Variants in SAMD3 observed in about 807,000 individuals in gnomAD.
SAMD3 encodes the protein sterile alpha motif domain-containing protein 3.
A neutral mutation model predicts 58.5 loss-of-function variants in SAMD3; 63 were observed. The ratio of observed to expected loss-of-function variants is 1.08; its 90% CI spans 0.88 to 1.33. The LOEUF is 1.33. Ranked by LOEUF, SAMD3 falls within the 40% of genes most tolerant of loss-of-function variation. SAMD3 has a pLI of 0.00. For missense variants in SAMD3, 604 were observed against 608.4 expected (o/e 0.99, Z 0.08); for synonymous variants, 220 against 210.3 (o/e 1.05, Z -0.40).
chr6:130,322,099 C>A (rs546766727), intron 1 of SAMD3, among the ~76,000 whole-genome samples: 23 of 152,260 alleles, frequency 1.5e-4, no homozygotes, highest in African/African-American at 5.5e-4. Flanking sequence ...TATGGGAACT[C>A]ATTAGTGAGG....
chr6:130,267,913 C>A (rs1774420105), intron 2 of SAMD3, among the ~76,000 whole-genome samples: 1 of 152,146 alleles, frequency 6.6e-6, no homozygotes, highest in African/African-American at 2.4e-5. Flanking sequence ...GCCAAATAAA[C>A]CCCTTCCTTC....
At chr6:130,246,182 A>G (rs1317849516) in intron 2 of SAMD3, among the ~76,000 whole-genome samples, 1 of 152,260 alleles carries the variant, frequency 6.6e-6, no homozygotes, top group Non-Finnish European at 1.5e-5. Flanking sequence ...TCCAGAAAAT[A>G]TACTAAAAAT....
At chr6:130,270,148 G>A (rs1774508331) in intron 2 of SAMD3, among the ~76,000 whole-genome samples, 1 of 152,156 alleles carries the variant, frequency 6.6e-6, no homozygotes, top group Admixed American at 6.5e-5. Context: ...CTGGAGTGCA[G>A]TGACATGATC....
At chr6:130,321,888 A>G (rs1422965696) in intron 1 of SAMD3, among the ~76,000 whole-genome samples, 3 of 152,226 alleles carry the variant, frequency 2.0e-5, no homozygotes, top group Non-Finnish European at 4.4e-5. Context: ...CAACTCAAGG[A>G]CAGAGGCCAT....
intron 1 of SAMD3, among the ~76,000 whole-genome samples, chr6:130,364,292 G>T (rs892416608): frequency 3.3e-5 from 5 of 151,966 alleles, no homozygotes; most frequent in Non-Finnish European, 5.9e-5. Flanking sequence ...TCTTTTTGAG[G>T]ACGGCTCAGT....
At chr6:130,334,254 A>C (rs957928724) in intron 1 of SAMD3, among the ~76,000 whole-genome samples, 2 of 152,204 alleles carry the variant, frequency 1.3e-5, no homozygotes, top group Non-Finnish European at 2.9e-5. Context: ...GGAGGGAAAC[A>C]CATTTAAACA....
intron 1 of SAMD3, among the ~76,000 whole-genome samples, chr6:130,338,474 C>T (rs1442166578): frequency 6.6e-6 from 1 of 152,188 alleles, no homozygotes; most frequent in Non-Finnish European, 1.5e-5. Flanking sequence ...CCACCATCCT[C>T]CAGACCCCAG....
chr6:130,224,875 C>CCA (rs1038631805), upstream of SAMD3, among the ~76,000 whole-genome samples: 30 of 152,106 alleles, frequency 2.0e-4, no homozygotes, highest in Non-Finnish European at 2.4e-4. Context: ...GCCTCGGCCT[C>CCA]CTAAAGTGCT....
intron 2 of SAMD3, among the ~76,000 whole-genome samples, chr6:130,244,489 A>G (rs747326689): frequency 6.6e-6 from 1 of 152,194 alleles, no homozygotes; most frequent in Non-Finnish European, 1.5e-5. Context: ...TTGTAATCCC[A>G]GCACTTTGGG....
At position 130,192,721 on chromosome 6, in the gene SAMD3, C is replaced by T. The variant is rs181487753; in HGVS notation, c.384-8098G>A. Among the ~76,000 whole-genome samples the T allele has an allele frequency of 5.9e-5, 9 of 152,272 alleles. No homozygotes were observed. The East Asian group carries it at 1.2e-3, about 20-fold the overall frequency. The stretch of plus-strand genomic sequence containing the variant: ...CACGGTCGCGCATGAAATTTGGTGC[C>T]GTGACTCGGATCGGGGAACCTCCCT... On this transcript the variant is annotated intron_variant, in intron 5 of 11. Coordinates refer to ENST00000439090, the MANE Select transcript of SAMD3 (RefSeq NM_001017373.4).
At chr6:130,177,964 G>A (rs761310511) in intron 7 of SAMD3, among the ~76,000 whole-genome samples, 3 of 151,744 alleles carry the variant, frequency 2.0e-5, no homozygotes, top group Admixed American at 6.6e-5. Context: ...CACTGCATGA[G>A]TGGTGGCTCA....
intron 1 of SAMD3, among the ~76,000 whole-genome samples, chr6:130,329,043 CCTCTCTCTCT>C (rs10679349): frequency 6.8e-6 from 1 of 146,992 alleles, no homozygotes; most frequent in Non-Finnish European, 1.5e-5. Flanking sequence ...TCTCTCTCTC[CCTCTCTCTCT>C]CTCTCTCTCT....
Position 130,209,583 on chromosome 6 carries a change from G to T in SAMD3, c.295C>A (p.Pro99Thr), listed in dbSNP as rs759342186. The change falls in exon 5 of 12, where the codon CCA (proline) becomes ACA (threonine). Residue 99 changes from proline to threonine, a missense_variant. By Grantham distance (38) the Pro-to-Thr change is conservative. Transcript: ENST00000439090. Reference protein sequence around the residue: ...RDYRDEESSSPARHGEQMPSF... With the variant: ...RDYRDEESSSTARHGEQMPSF... ...GGCATCTGCTCCCCATGCCTGGCTG[G>T]ACTGGAGGACTCTTCATCCCTGTAA... is the stretch of plus-strand genomic sequence containing the variant. 1.2e-6 allele frequency: 2 copies of T among 1,613,178 alleles called. No homozygotes were observed. The highest frequency in any genetic ancestry group is 3.3e-5 in the Admixed American group (2 of 60,010).
intron 2 of SAMD3, among the ~76,000 whole-genome samples, chr6:130,295,402 A>G (rs1175654549): frequency 1.3e-5 from 2 of 152,178 alleles, no homozygotes; most frequent in African/African-American, 2.4e-5. Context: ...CTTTTTGTCT[A>G]TCTGCAACTA....
chr6:130,225,868 T>C (rs369029865), upstream of SAMD3, among the ~76,000 whole-genome samples: 1 of 152,338 alleles, frequency 6.6e-6, no homozygotes, highest in East Asian at 1.9e-4. Context: ...TGGGCACCTA[T>C]TCCTGGTAAA....
chr6:130,365,563 C>A (rs879315163), upstream of SAMD3: 28 of 985,208 alleles, frequency 2.8e-5, no homozygotes, highest in Non-Finnish European at 3.4e-5. Flanking sequence ...GGGAATACTG[C>A]GAGTCGGCTG....
chr6:130,178,771 A>T (rs968575493), intron 7 of SAMD3, among the ~76,000 whole-genome samples: 6 of 152,220 alleles, frequency 3.9e-5, no homozygotes, highest in African/African-American at 7.2e-5. Flanking sequence ...GTAGCTACTC[A>T]TAGAAGATAT....
intron 1 of SAMD3, among the ~76,000 whole-genome samples, chr6:130,357,211 G>A (rs1305821193): frequency 5.2e-5 from 7 of 134,854 alleles, no homozygotes; most frequent in Admixed American, 8.7e-5. Context: ...TGCAAGCTCC[G>A]CCTCCCGGGT....
At chr6:130,167,469 T>C in intron 8 of SAMD3, among the ~76,000 whole-genome samples, 1 of 152,194 alleles carries the variant, frequency 6.6e-6, no homozygotes. Context: ...AAAATACTAC[T>C]GTATAAAGTA....
Sources: gnomAD v4.1 joint callset for allele counts (sites outside exome capture counted in the v4.1 genomes callset) on GRCh38, gnomAD v4.1.1 for gene constraint, MANE v1.5 for transcripts, NCBI Gene and HGNC (gene_info 2026-07-23, HGNC 2026-07-21) for gene names.